PEBP4: variants seen among roughly 807,000 people sequenced by gnomAD.
PEBP4 encodes phosphatidylethanolamine binding protein 4.
In PEBP4, 22 loss-of-function variants were observed where a neutral mutation model predicts 23.9. That is an observed-to-expected ratio of 0.92 (90% CI 0.66 to 1.31). The LOEUF is 1.31. PEBP4 is among the 40% of genes most tolerant of loss of function. The pLI is 0.00. For synonymous variants in PEBP4, 112 were observed against 99.3 expected (o/e 1.13, Z -0.76); for missense variants, 324 against 281.7 (o/e 1.15, Z -1.07).
chr8:22,727,154 G>A (rs778883016), intron 5 of PEBP4, 21 bp downstream of exon 5: 4 of 1,613,504 alleles, frequency 2.5e-6, no homozygotes, highest in South Asian at 1.1e-5. Flanking sequence ...TGGGGGAAGG[G>A]GTCCCTAGGG....
chr8:22,875,110 C>G (rs151199849), intron 3 of PEBP4, among the ~76,000 whole-genome samples: 11 of 152,012 alleles, frequency 7.2e-5, no homozygotes, highest in African/African-American at 2.4e-4. Flanking sequence ...GACTCAGCCT[C>G]GTTAGTGAAA....
At chr8:22,741,894 A>G (rs974852183) in intron 4 of PEBP4, among the ~76,000 whole-genome samples, 8 of 152,182 alleles carry the variant, frequency 5.3e-5, no homozygotes, top group Non-Finnish European at 8.8e-5. Flanking sequence ...TCCTGGTGAC[A>G]GTGCGCAGGG....
intron 4 of PEBP4, among the ~76,000 whole-genome samples, chr8:22,731,021 T>C (rs1804719107): frequency 6.6e-6 from 1 of 152,220 alleles, no homozygotes; most frequent in African/African-American, 2.4e-5. Context: ...CTCTCTAAGA[T>C]GGGCTGAGCA....
At chr8:22,877,840 T>C (rs951837667) in intron 3 of PEBP4, 28 of 150,920 alleles carry the variant, frequency 1.9e-4, no homozygotes, top group African/African-American at 6.9e-4. Flanking sequence ...CGGAGGAGGG[T>C]GGAGGGAGAG....
intron 3 of PEBP4, among the ~76,000 whole-genome samples, chr8:22,840,402 T>C (rs1318072470): frequency 6.6e-6 from 1 of 151,164 alleles, no homozygotes; most frequent in Non-Finnish European, 1.5e-5. Flanking sequence ...TTTTTTCTTC[T>C]TTTAATTTTT....
chr8:22,810,669 GGTGTGTGT>G (rs60078589), intron 4 of PEBP4, among the ~76,000 whole-genome samples: 18,002 of 129,176 alleles, frequency 0.14, 1,547 homozygotes, highest in South Asian at 0.26. Flanking sequence ...CTCATGGAGG[GGTGTGTGT>G]GTGTGTGTGT....
intron 3 of PEBP4, among the ~76,000 whole-genome samples, chr8:22,889,686 GTTTTTATAAAGTGCAGAAA>G (rs1479695668): frequency 2.6e-5 from 4 of 151,604 alleles, no homozygotes; most frequent in Admixed American, 6.6e-5. Context: ...GCAGAAATAT[GTTTTTATAAAGTGCAGAAA>G]TATGTTTTTA....
intron 4 of PEBP4, among the ~76,000 whole-genome samples, chr8:22,737,266 C>T (rs1281517890): frequency 7.8e-6 from 1 of 127,466 alleles, no homozygotes; most frequent in Non-Finnish European, 1.6e-5. Context: ...TGCACTCCAG[C>T]GTGGGCAATA....
At chr8:22,806,050 T>G (rs1806488574) in intron 4 of PEBP4, among the ~76,000 whole-genome samples, 1 of 152,284 alleles carries the variant, frequency 6.6e-6, no homozygotes, top group African/African-American at 2.4e-5. Context: ...AGCTTAAAAT[T>G]TAGATTAAAA....
At position 22,865,400 on chromosome 8, in the gene PEBP4, G is replaced by A. The variant is rs1807869189; in HGVS notation, c.259-47665C>T. On this transcript the variant is annotated intron_variant, in intron 3 of 6. Transcript: ENST00000256404. This position sits in a 1 kb window ranked among gnomAD's most constrained non-coding sequence, Gnocchi z 6.9. ...GGCGGTGGCGGCGGCGGGACCCCGGGCCTGGCTGCGCGCTCCACCTGCGCC... is the reference window on the plus strand; with the variant it reads ...GGCGGTGGCGGCGGCGGGACCCCGGACCTGGCTGCGCGCTCCACCTGCGCC... Among the ~76,000 whole-genome samples, 1 of 151,722 alleles carries A rather than the reference G, an allele frequency of 6.6e-6. No individual in the cohort carries two copies. The highest frequency in any genetic ancestry group is 6.6e-5 in the Admixed American group (1 of 15,240).
chr8:22,740,247 A>G (rs1178464801), intron 4 of PEBP4, among the ~76,000 whole-genome samples: 9 of 152,208 alleles, frequency 5.9e-5, no homozygotes, highest in African/African-American at 2.2e-4. Flanking sequence ...CGAGATTTGG[A>G]AGCTCTAAGA....
chr8:22,806,732 A>G (rs1161256477), intron 4 of PEBP4, among the ~76,000 whole-genome samples: 1 of 152,198 alleles, frequency 6.6e-6, no homozygotes, highest in Non-Finnish European at 1.5e-5. Flanking sequence ...CTCTTCAGGA[A>G]TGATTTGTTA....
chr8:22,733,669 G>A (rs568512496), intron 4 of PEBP4, among the ~76,000 whole-genome samples: 4 of 152,044 alleles, frequency 2.6e-5, no homozygotes, highest in East Asian at 1.9e-4. Context: ...ACTTAATCTC[G>A]TTACCCACCT....
intron 1 of PEBP4, among the ~76,000 whole-genome samples, chr8:22,939,086 G>A (rs572525872): frequency 3.9e-4 from 60 of 152,272 alleles, no homozygotes; most frequent in Non-Finnish European, 7.1e-4. Context: ...AAATGTAAAA[G>A]TATAAAAATA....
chr8:22,774,676 T>G (rs923405410), intron 4 of PEBP4, among the ~76,000 whole-genome samples: 7 of 152,166 alleles, frequency 4.6e-5, no homozygotes, highest in African/African-American at 1.7e-4. Context: ...ACATGAGGCT[T>G]CGGGGACTCT....
intron 6 of PEBP4, among the ~76,000 whole-genome samples, chr8:22,718,117 G>C (rs1804450528): frequency 6.6e-6 from 1 of 152,142 alleles, no homozygotes; most frequent in Non-Finnish European, 1.5e-5. Context: ...GGGTAGTGGG[G>C]GGCACTTTGA....
Position 22,795,843 on chromosome 8 carries a change from G to A in PEBP4, c.357+21794C>T, listed in dbSNP as rs147937822. Among the ~76,000 whole-genome samples the A allele has an allele frequency of 5.0e-3, 764 of 152,108 alleles. 8 individuals are homozygous for A. Among genetic ancestry groups the A allele is most frequent in the African/African-American group, 0.017 (726 of 41,510 alleles). ...TGCCACTTGTTAGTATAAAAATAAC[G>A]AATTTACCTTATTTTCTGAATCAAA... On this transcript the variant is annotated intron_variant, in intron 4 of 6. Transcript: ENST00000256404.
chr8:22,772,495 T>TCTC (rs1563211371), intron 4 of PEBP4, among the ~76,000 whole-genome samples: 245 of 95,468 alleles, frequency 2.6e-3, no homozygotes, highest in African/African-American at 9.1e-3. Flanking sequence ...CTCTCTCTCT[T>TCTC]TTTTTTTTTT....
intron 3 of PEBP4, among the ~76,000 whole-genome samples, chr8:22,903,212 TG>T (rs1248804912): frequency 6.6e-6 from 1 of 152,186 alleles, no homozygotes; most frequent in Non-Finnish European, 1.5e-5. Flanking sequence ...TGAGTAAAGT[TG>T]GGAAACAGAC....
Sources: allele counts gnomAD v4.1 joint callset (sites outside exome capture counted in the v4.1 genomes callset), GRCh38; gene constraint gnomAD v4.1.1; non-coding constraint Gnocchi (gnomAD v3.1); transcripts MANE v1.5; gene names NCBI Gene and HGNC (gene_info 2026-07-23, HGNC 2026-07-21).